BRWD1: variants seen among roughly 807,000 people sequenced by gnomAD.
BRWD1 encodes bromodomain and WD repeat domain containing 1.
A neutral mutation model predicts 251.2 loss-of-function variants in BRWD1; 82 were observed. That is an observed-to-expected ratio of 0.33 (90% CI 0.27 to 0.39). The LOEUF (loss-of-function observed/expected upper bound fraction) is 0.39. Among genes scored for constraint, BRWD1 ranks in the 10% least tolerant of loss-of-function variants. The pLI, the probability that BRWD1 is intolerant of heterozygous loss-of-function variation, is 1.00. For synonymous variants in BRWD1, 918 were observed against 902.8 expected (o/e 1.02, Z -0.30); for missense variants, 2,233 against 2,711.6 (o/e 0.82, Z 3.92).
chr21:39,312,023 C>G lies in BRWD1; in HGVS notation c.198+818G>C, dbSNP rs137947319. ...ATATGGCCTGGCAATTAATGAATTC[C>G]TTTATCCTAATAACGAAACGGCAAA... On this transcript the variant is annotated intron_variant, in intron 4 of 40. Coordinates refer to ENST00000342449, the MANE Select transcript of BRWD1 (RefSeq NM_033656.4). Among the ~76,000 whole-genome samples the G allele has an allele frequency of 5.9e-4, 90 of 152,252 alleles. 2 individuals are homozygous for G. In the Middle Eastern group the frequency reaches 0.01, roughly 17 times the overall value.
intron 15 of BRWD1, among the ~76,000 whole-genome samples, chr21:39,267,430 C>T (rs1021284184): frequency 1.3e-5 from 2 of 152,090 alleles, no homozygotes; most frequent in Non-Finnish European, 2.9e-5. Context: ...CCCATCTCTA[C>T]TAAAAACACA....
intron 21 of BRWD1, among the ~76,000 whole-genome samples, chr21:39,246,487 G>A (rs1048583642): frequency 3.3e-5 from 5 of 152,100 alleles, no homozygotes; most frequent in East Asian, 1.9e-4. Flanking sequence ...CTTGCCATAC[G>A]ACCCAGCATA....
intron 19 of BRWD1, among the ~76,000 whole-genome samples, chr21:39,254,247 A>G (rs1375435691): frequency 6.6e-6 from 1 of 152,238 alleles, no homozygotes; most frequent in Non-Finnish European, 1.5e-5. Context: ...CCTGGACGAG[A>G]GCAAAACTCT....
chr21:39,282,127 T>C (rs977487990), intron 8 of BRWD1, among the ~76,000 whole-genome samples: 9 of 151,780 alleles, frequency 5.9e-5, no homozygotes, highest in African/African-American at 2.2e-4. Flanking sequence ...AATAAAAAAT[T>C]AGCCAGGCAT....
chr21:39,222,362 G>T (rs1035511346), intron 29 of BRWD1, among the ~76,000 whole-genome samples: 4 of 152,134 alleles, frequency 2.6e-5, no homozygotes, highest in African/African-American at 7.2e-5. Context: ...AAATATCTTG[G>T]TTTCTAAATG....
intron 33 of BRWD1, among the ~76,000 whole-genome samples, chr21:39,213,226 C>T (rs771370186): frequency 1.3e-5 from 2 of 152,146 alleles, no homozygotes; most frequent in African/African-American, 2.4e-5. Flanking sequence ...TTATATAATA[C>T]ACCTTTCACT....
At chr21:39,304,471 G>A (rs1056961876) in intron 4 of BRWD1, among the ~76,000 whole-genome samples, 6 of 151,532 alleles carry the variant, frequency 4.0e-5, no homozygotes, top group South Asian at 2.1e-4. Flanking sequence ...TTAATTAGCC[G>A]GCCATGATGG....
chr21:39,237,523 G>T (rs549095456), intron 22 of BRWD1, among the ~76,000 whole-genome samples: 126 of 152,212 alleles, frequency 8.3e-4, no homozygotes, highest in Non-Finnish European at 1.4e-3. Flanking sequence ...TTACAAAAAG[G>T]TATTTATTAG....
intron 39 of BRWD1, 25 bp downstream of exon 39, chr21:39,200,194 A>G (rs781126760): frequency 1.3e-6 from 2 of 1,577,982 alleles, no homozygotes; most frequent in Non-Finnish European, 1.7e-6. Flanking sequence ...TATACATTCC[A>G]TAAAAGTACT....
chr21:39,319,915 A>G (rs1409480438), intron 1 of BRWD1, among the ~76,000 whole-genome samples: 7 of 152,074 alleles, frequency 4.6e-5, no homozygotes, highest in African/African-American at 1.7e-4. Context: ...CTTTGGAGAT[A>G]ATCCTGTCAC....
At chr21:39,287,692 C>T (rs1439419974) in intron 8 of BRWD1, among the ~76,000 whole-genome samples, 1 of 152,154 alleles carries the variant, frequency 6.6e-6, no homozygotes, top group East Asian at 1.9e-4. Flanking sequence ...TTTCAAAGAA[C>T]TTCTGGCTTT....
At chr21:39,244,054 C>T (rs374370062) in intron 21 of BRWD1, among the ~76,000 whole-genome samples, 83 of 152,062 alleles carry the variant, frequency 5.5e-4, no homozygotes, top group African/African-American at 1.8e-3. Flanking sequence ...AGGGTTTCTG[C>T]TCTGAGATCA....
chr21:39,279,684 AG>A (rs1345458041), intron 9 of BRWD1, among the ~76,000 whole-genome samples: 2 of 151,702 alleles, frequency 1.3e-5, no homozygotes, highest in African/African-American at 2.4e-5. Context: ...CGAAAACAAA[AG>A]GAAAAAAAAT....
Position 39,215,325 on chromosome 21 carries a change from C to A in BRWD1, c.3697G>T (p.Glu1233Ter). The A allele has an allele frequency of 6.2e-7, 1 of 1,613,264 alleles. No individual in the cohort carries two copies. The highest frequency in any genetic ancestry group is 1.1e-5 in the South Asian group (1 of 91,056). The change falls in exon 32 of 41, where the codon GAA (glutamate) becomes TAA (stop). Residue 1233 changes from glutamate to a stop codon, truncating the protein, a stop_gained. Coordinates refer to ENST00000342449, the MANE Select transcript of BRWD1 (RefSeq NM_033656.4). LOFTEE classifies it high-confidence loss of function. ...SALVWEVRYI[E>*]HNARTFNEPE... ...TCGTTAAATGTTCTGGCATTATGTT[C>A]TATATATCTGACTTCCCAAACTAAC...
intron 15 of BRWD1, 81 bp from the exon 16 acceptor site, chr21:39,265,100 C>G: frequency 7.0e-7 from 1 of 1,421,890 alleles, no homozygotes; most frequent in Non-Finnish European, 9.5e-7. Flanking sequence ...TGTGGATAAC[C>G]TGTGACAATA....
At position 39,195,544 on chromosome 21, in the gene BRWD1, CT is replaced by C. The variant is rs1453181554; in HGVS notation, c.*714del. The C allele has an allele frequency of 1.0e-6, 1 of 984,400 alleles. No homozygotes were observed. The highest frequency in any genetic ancestry group is 1.2e-6 in the Non-Finnish European group (1 of 828,856). 61.0% of individuals were successfully genotyped at this position (984,400 alleles called of 1,614,324 possible). ...AAAATGCTCTGACTATGCTCTGGTC[CT>C]AGAGGTTTAAAACATGCACTCAAAT... On this transcript the variant is annotated 3_prime_UTR_variant, in exon 41 of 41. Transcript: ENST00000342449.
At chr21:39,217,079 A>ATTT (rs2032972779) in intron 31 of BRWD1, 4 of 11,676 alleles carry the variant, frequency 3.4e-4, no homozygotes, top group East Asian at 3.5e-3. Flanking sequence ...ATATATATAT[A>ATTT]TATATTTTTT....
chr21:39,190,810 G>C lies in BRWD1; in HGVS notation c.*5449C>G. 2 of 985,268 alleles carry C rather than the reference G, an allele frequency of 2.0e-6. No individual in the cohort carries two copies. Among genetic ancestry groups the C allele is most frequent in the Middle Eastern group, 5.2e-4 (1 of 1,914 alleles). 61.0% of individuals were successfully genotyped at this position (985,268 alleles called of 1,614,324 possible). On this transcript the variant is annotated 3_prime_UTR_variant, in exon 41 of 41. Transcript: ENST00000342449. ...GTAACACTGCAGTATGGCAGCATCA[G>C]GTCAAAAGACCATCAGAAATAATTC...
intron 23 of BRWD1, among the ~76,000 whole-genome samples, chr21:39,233,792 G>A (rs1197683537): frequency 2.0e-5 from 3 of 152,244 alleles, no homozygotes; most frequent in Non-Finnish European, 4.4e-5. Context: ...GGCTGAGGCA[G>A]GTGGATCACT....
Sources: allele counts gnomAD v4.1 joint callset (sites outside exome capture counted in the v4.1 genomes callset), GRCh38; gene constraint gnomAD v4.1.1; transcripts MANE v1.5; gene names NCBI Gene and HGNC (gene_info 2026-07-23, HGNC 2026-07-21).